Variants in YTHDF2 observed in about 807,000 individuals in gnomAD.
The protein encoded by YTHDF2 is YTH domain-containing family protein 2.
YTHDF2 carries 2 observed loss-of-function variants against 50.4 expected under a neutral mutation model. The observed-to-expected ratio is 0.04, with a 90% CI of 0.02 to 0.12. The LOEUF (loss-of-function observed/expected upper bound fraction) is 0.12. Among genes scored for constraint, YTHDF2 ranks in the 10% least tolerant of loss-of-function variants. The pLI, the probability that YTHDF2 is intolerant of heterozygous loss-of-function variation, is 1.00. For missense variants in YTHDF2, 483 were observed against 722.6 expected (o/e 0.67, Z 3.80); for synonymous variants, 217 against 255.6 (o/e 0.85, Z 1.44).
chr1:28,765,920 G>A (rs541114440), intron 4 of YTHDF2, among the ~76,000 whole-genome samples: 62 of 152,174 alleles, frequency 4.1e-4, no homozygotes, highest in Non-Finnish European at 7.6e-4. Context: ...ACAAAGACAT[G>A]CAGTTACATA....
intron 4 of YTHDF2, among the ~76,000 whole-genome samples, chr1:28,751,700 A>G (rs888153493): frequency 2.0e-5 from 3 of 152,196 alleles, no homozygotes; most frequent in African/African-American, 7.2e-5. Context: ...GTTTGTGTTA[A>G]TTGCTGGGAT....
At chr1:28,752,442 C>G (rs1407740540) in intron 4 of YTHDF2, among the ~76,000 whole-genome samples, 13 of 152,024 alleles carry the variant, frequency 8.6e-5, no homozygotes, top group Admixed American at 8.5e-4. Context: ...ACTACAGGTG[C>G]TTGCCACCAC....
chr1:28,749,179 C>CTTTTT (rs60729215), intron 4 of YTHDF2, among the ~76,000 whole-genome samples: 61 of 107,414 alleles, frequency 5.7e-4, no homozygotes, highest in African/African-American at 1.5e-3. Context: ...TTCTTTCTTC[C>CTTTTT]TTTTTTTTTT....
At chr1:28,764,647 TCCAC>T (rs1345420763) in intron 4 of YTHDF2, among the ~76,000 whole-genome samples, 1 of 150,130 alleles carries the variant, frequency 6.7e-6, no homozygotes, top group Admixed American at 6.6e-5. Flanking sequence ...GACCTCGTGA[TCCAC>T]CCACCTCGGC....
intron 4 of YTHDF2, among the ~76,000 whole-genome samples, chr1:28,747,167 T>A (rs989881879): frequency 1.3e-5 from 2 of 152,344 alleles, no homozygotes; most frequent in African/African-American, 4.8e-5. Context: ...GAACTTGATA[T>A]GTAGGTGTAA....
rs777703652 is a variant in YTHDF2 at position 28,737,230 on chromosome 1, G to GGCCGA, written c.27+95_27+99dup. ...GGCCCGGGCCCGCCGCTCCTGGGCA[G>GGCCGA]GCCGAGCCGAGCCGAGGCGTCGTCT... On this transcript the variant is annotated intron_variant, in intron 1 of 4. Coordinates refer to ENST00000373812, the MANE Select transcript of YTHDF2 (RefSeq NM_016258.3). The GGCCGA allele has an allele frequency of 2.3e-4, 333 of 1,475,392 alleles. 1 individual carries two copies. In the African/African-American group the frequency reaches 3.1e-3, roughly 14 times the overall value. 91.4% of individuals were successfully genotyped at this position (1,475,392 alleles called of 1,614,324 possible). A position where few individuals can be genotyped will look rare whatever the true frequency, so the allele number is the denominator to read the frequency against.
chr1:28,760,727 C>G (rs1195776422), intron 4 of YTHDF2, among the ~76,000 whole-genome samples: 1 of 152,086 alleles, frequency 6.6e-6, no homozygotes. Context: ...ACTACAGCCG[C>G]GTGCCACTAC....
intron 4 of YTHDF2, among the ~76,000 whole-genome samples, chr1:28,749,732 G>A (rs2087920188): frequency 6.8e-6 from 1 of 147,620 alleles, no homozygotes; most frequent in African/African-American, 2.5e-5. Context: ...ATGGAGCCGT[G>A]GGAGACAAAA....
chr1:28,760,271 TTGTGTGTGTGTGTGTGTG>T lies in YTHDF2; in HGVS notation c.1717-8631_1717-8614del, dbSNP rs28969505. Among the ~76,000 whole-genome samples the T allele has an allele frequency of 3.7e-4, 54 of 147,362 alleles. 1 individual carries two copies. The highest frequency in any genetic ancestry group is 8.9e-4 in the South Asian group (4 of 4,476). On this transcript the variant is annotated intron_variant, in intron 4 of 4. Coordinates refer to ENST00000373812, the MANE Select transcript of YTHDF2 (RefSeq NM_016258.3). The stretch of plus-strand genomic sequence containing the variant: ...ATATATAAGCCAATAACATAGTAGG[TTGTGTGTGTGTGTGTGTG>T]TGTGTGTGTGTGTGTGTGTGTGTGT...
At chr1:28,760,271 TTGTGTGTGTGTGTGTGTGTGTGTGTG>T (rs28969505) in intron 4 of YTHDF2, among the ~76,000 whole-genome samples, 1 of 147,252 alleles carries the variant, frequency 6.8e-6, no homozygotes, top group Non-Finnish European at 1.5e-5. Flanking sequence ...ACATAGTAGG[TTGTGTGTGTGTGTGTGTGTGTGTGTG>T]TGTGTGTGTG....
rs536826310 is a variant in YTHDF2, at chr1:28,759,031, G to A, written c.1717-9898G>A. Among the ~76,000 whole-genome samples, 30 of 152,244 alleles carry A rather than the reference G, an allele frequency of 2.0e-4. No individual in the cohort carries two copies. In the South Asian group the frequency reaches 6.0e-3, roughly 30 times the overall value. On this transcript the variant is annotated intron_variant, in intron 4 of 4. Coordinates refer to ENST00000373812, the MANE Select transcript of YTHDF2 (RefSeq NM_016258.3). ...ATTTCTTGTAGGATTAGAAATGATT[G>A]AAGAGAAGTTTTTCAGTTAGTACAA...
At chr1:28,748,706 T>C (rs1392041996) in intron 4 of YTHDF2, among the ~76,000 whole-genome samples, 3 of 152,234 alleles carry the variant, frequency 2.0e-5, no homozygotes, top group African/African-American at 4.8e-5. Context: ...AGCAATATAC[T>C]GTGCTTTAGG....
chr1:28,745,179 T>C (rs1314943537), intron 4 of YTHDF2, among the ~76,000 whole-genome samples: 1 of 152,220 alleles, frequency 6.6e-6, no homozygotes, highest in Non-Finnish European at 1.5e-5. Context: ...GGCTGCTCTA[T>C]GAGAATTTAC....
chr1:28,737,078 AG>A lies in YTHDF2; in HGVS notation c.-41del. On this transcript the variant is annotated 5_prime_UTR_variant, in exon 1 of 5. Coordinates refer to ENST00000373812, the MANE Select transcript of YTHDF2 (RefSeq NM_016258.3). ...CTCATCTGCCGCCGCCGCCGCGCTG[AG>A]GAGAGTTCGCCGCCGTCGCCGCCCG... 6.3e-7 allele frequency: 1 copy of A among 1,578,060 alleles called. No individual in the cohort carries two copies. The highest frequency in any genetic ancestry group is 1.2e-5 in the South Asian group (1 of 86,844).
chr1:28,757,949 G>A (rs918835055), intron 4 of YTHDF2, among the ~76,000 whole-genome samples: 3 of 152,034 alleles, frequency 2.0e-5, no homozygotes, highest in Non-Finnish European at 4.4e-5. Context: ...TCAATCTCTT[G>A]TAATAATCCT....
intron 4 of YTHDF2, among the ~76,000 whole-genome samples, chr1:28,747,864 G>A (rs891195248): frequency 6.6e-6 from 1 of 151,348 alleles, no homozygotes; most frequent in African/African-American, 2.4e-5. Context: ...GGTGGCTCAC[G>A]CCTGTAAGCA....
At chr1:28,766,904 C>A (rs1232089067) in intron 4 of YTHDF2, among the ~76,000 whole-genome samples, 1 of 151,156 alleles carries the variant, frequency 6.6e-6, no homozygotes, top group Non-Finnish European at 1.5e-5. Flanking sequence ...GTGATCAGGG[C>A]TCACTACAGC....
rs1463731998 is a variant in YTHDF2 at position 28,743,090 on chromosome 1, G to A, written c.820G>A (p.Asp274Asn). The A allele has an allele frequency of 6.2e-7, 1 of 1,614,208 alleles. No homozygotes were observed. Among genetic ancestry groups the A allele is most frequent in the South Asian group, 1.1e-5 (1 of 91,084 alleles). Residue 274 changes from aspartate (D) to asparagine (N), a missense_variant, in exon 4 of 5, where the codon GAT (aspartate) becomes AAT (asparagine). This residue lies in a region of YTHDF2 where 385 missense variants were observed against 475.8 expected (regional missense o/e 0.81). Coordinates refer to ENST00000373812, the MANE Select transcript of YTHDF2 (RefSeq NM_016258.3). This position sits in a 1 kb window ranked among gnomAD's most constrained non-coding sequence, Gnocchi z 6.9. ...LPPPPIKHNM[D>N]IGTWDNKGPV... Reference sequence around the variant, plus strand: ...GCCACCCCCGATAAAGCATAACATGGATATTGGAACTTGGGATAACAAGGG... The same window carrying A: ...GCCACCCCCGATAAAGCATAACATGAATATTGGAACTTGGGATAACAAGGG...
At chr1:28,756,183 A>G (rs931894658) in intron 4 of YTHDF2, among the ~76,000 whole-genome samples, 3 of 152,182 alleles carry the variant, frequency 2.0e-5, no homozygotes, top group African/African-American at 7.2e-5. Flanking sequence ...TTTGCCTAGT[A>G]TGGGCTGTTT....
Sources: allele counts gnomAD v4.1 joint callset (sites outside exome capture counted in the v4.1 genomes callset), GRCh38; gene constraint gnomAD v4.1.1; regional missense constraint gnomAD v4.1.1; non-coding constraint Gnocchi (gnomAD v3.1); transcripts MANE v1.5; gene names NCBI Gene and HGNC (gene_info 2026-07-23, HGNC 2026-07-21).